PCDH15: variants seen among roughly 807,000 people sequenced by gnomAD.
PCDH15 encodes protocadherin related 15.
In PCDH15, 129 loss-of-function variants were observed where a neutral mutation model predicts 178.5. That is an observed-to-expected ratio of 0.72 (90% CI 0.63 to 0.84). The LOEUF (loss-of-function observed/expected upper bound fraction) is 0.84, where lower values mean the gene tolerates loss of function less well. Ranked by LOEUF, PCDH15 falls within the 40% of genes least tolerant of loss-of-function variation. The pLI, the probability that PCDH15 is intolerant of heterozygous loss-of-function variation, is 0.00. For synonymous variants in PCDH15, 800 were observed against 732.0 expected (o/e 1.09, Z -1.50); for missense variants, 2,230 against 2,099.9 (o/e 1.06, Z -1.21).
intron 2 of PCDH15, among the ~76,000 whole-genome samples, chr10:54,598,744 C>T (rs2092363163): frequency 6.6e-6 from 1 of 152,092 alleles, no homozygotes; most frequent in Non-Finnish European, 1.5e-5. Flanking sequence ...AGCTCGAAAG[C>T]TCTGTAAGCT....
At chr10:55,418,053 A>G (rs551632014) in intron 2 of PCDH15, among the ~76,000 whole-genome samples, 1 of 151,780 alleles carries the variant, frequency 6.6e-6, no homozygotes, top group South Asian at 2.1e-4. Flanking sequence ...AAGGTAGGAA[A>G]ATTCTACCTT....
intron 1 of PCDH15, among the ~76,000 whole-genome samples, chr10:54,734,289 C>G (rs1489981114): frequency 6.6e-6 from 1 of 151,764 alleles, no homozygotes; most frequent in Non-Finnish European, 1.5e-5. Flanking sequence ...ATATGGACTG[C>G]AACTAAGCAA....
chr10:55,241,333 T>C (rs1841536962), intron 1 of PCDH15, among the ~76,000 whole-genome samples: 1 of 152,202 alleles, frequency 6.6e-6, no homozygotes. Flanking sequence ...AACCTGCAAA[T>C]GTTGCTGATT....
intron 35 of PCDH15, among the ~76,000 whole-genome samples, chr10:53,812,146 C>T (rs369112649): frequency 2.0e-5 from 3 of 152,102 alleles, no homozygotes; most frequent in Non-Finnish European, 4.4e-5. Flanking sequence ...ATGTGTAATG[C>T]TTCCCAAGGA....
At chr10:54,805,273 C>A (rs375877914), upstream of PCDH15, among the ~76,000 whole-genome samples, 9 of 151,596 alleles carry the variant, frequency 5.9e-5, no homozygotes, top group Admixed American at 2.0e-4. Flanking sequence ...TTTTTAAAAC[C>A]CAGGTTAAAG....
At chr10:53,984,269 C>A (rs923887972) in intron 21 of PCDH15, among the ~76,000 whole-genome samples, 1 of 151,084 alleles carries the variant, frequency 6.6e-6, no homozygotes, top group Non-Finnish European at 1.5e-5. Context: ...CCTGCCTCAG[C>A]CTCCCAAGTA....
At chr10:53,929,248 CA>C (rs2084832130) in intron 25 of PCDH15, among the ~76,000 whole-genome samples, 1 of 151,950 alleles carries the variant, frequency 6.6e-6, no homozygotes, top group Non-Finnish European at 1.5e-5. Context: ...CTATTGTGCA[CA>C]ATGCAATTTT....
intron 8 of PCDH15, among the ~76,000 whole-genome samples, chr10:54,290,613 G>A (rs2059338160): frequency 6.6e-6 from 1 of 152,138 alleles, no homozygotes; most frequent in Admixed American, 6.5e-5. Context: ...ATCGGATAAA[G>A]GGTCAAGATC....
chr10:54,298,994 T>A (rs1003829792), intron 8 of PCDH15, among the ~76,000 whole-genome samples: 1 of 152,182 alleles, frequency 6.6e-6, no homozygotes, highest in Non-Finnish European at 1.5e-5. Context: ...CCCCATTAAA[T>A]ACCACAAGGA....
intron 1 of PCDH15, among the ~76,000 whole-genome samples, chr10:54,797,493 G>C (rs930423060): frequency 7.5e-6 from 1 of 133,860 alleles, no homozygotes; most frequent in Non-Finnish European, 1.6e-5. Context: ...TTATTTTGTT[G>C]CTGTTATTGT....
intron 2 of PCDH15, among the ~76,000 whole-genome samples, chr10:55,374,931 C>T (rs753117117): frequency 8.6e-5 from 13 of 151,962 alleles, no homozygotes; most frequent in Non-Finnish European, 1.6e-4. Flanking sequence ...TATAAAATGA[C>T]ATTCTACATA....
chr10:54,574,881 CAA>C (rs1404544827), intron 2 of PCDH15, among the ~76,000 whole-genome samples: 10 of 143,726 alleles, frequency 7.0e-5, no homozygotes, highest in African/African-American at 2.5e-4. Flanking sequence ...TTCACAATAG[CAA>C]AGACTTGGAA....
chr10:54,605,143 A>G (rs752503648), intron 2 of PCDH15, among the ~76,000 whole-genome samples: 7 of 151,776 alleles, frequency 4.6e-5, no homozygotes, highest in African/African-American at 1.4e-4. Context: ...ACTTTTTTAA[A>G]TTTTAGATTA....
At chr10:54,713,881 T>C (rs903332992) in intron 1 of PCDH15, among the ~76,000 whole-genome samples, 3 of 152,156 alleles carry the variant, frequency 2.0e-5, no homozygotes, top group Non-Finnish European at 4.4e-5. Context: ...TTTCCCTTGA[T>C]AAACATTGAA....
At chr10:54,739,905 C>G (rs749060587) in intron 1 of PCDH15, among the ~76,000 whole-genome samples, 2 of 151,938 alleles carry the variant, frequency 1.3e-5, no homozygotes, top group Non-Finnish European at 2.9e-5. Context: ...CATACTTAAA[C>G]GTAAAACCTA....
intron 2 of PCDH15, among the ~76,000 whole-genome samples, chr10:55,052,965 G>A (rs1045401305): frequency 5.3e-5 from 8 of 152,112 alleles, no homozygotes; most frequent in Non-Finnish European, 1.2e-4. Context: ...GAACATTTCA[G>A]GGAAGGACTG....
At chr10:54,267,446 A>G (rs1039814470) in intron 8 of PCDH15, among the ~76,000 whole-genome samples, 2 of 151,932 alleles carry the variant, frequency 1.3e-5, no homozygotes, top group Admixed American at 6.6e-5. Flanking sequence ...ACAGCAAGAA[A>G]TAATAGACAT....
chr10:55,170,467 G>A (rs1281030210), intron 1 of PCDH15, among the ~76,000 whole-genome samples: 1 of 152,108 alleles, frequency 6.6e-6, no homozygotes, highest in Non-Finnish European at 1.5e-5. Context: ...TCTTAAAGCT[G>A]GAGAGATGAT....
Position 54,475,482 on chromosome 10 carries a change from T to C in PCDH15, c.157+52330A>G, listed in dbSNP as rs141560205. ...CCCTATACATATTACAGATTATGCA[T>C]GTAAAGCAACTAATAAAGTGTTTGG... On this transcript the variant is annotated intron_variant, in intron 3 of 37. Transcript: ENST00000644397. Among the ~76,000 whole-genome samples the C allele has an allele frequency of 3.9e-5, 6 of 152,134 alleles. No individual in the cohort carries two copies. The East Asian group carries it at 9.6e-4, about 24-fold the overall frequency.
Sources: allele counts gnomAD v4.1 joint callset (sites outside exome capture counted in the v4.1 genomes callset), GRCh38; gene constraint gnomAD v4.1.1; transcripts MANE v1.5; gene names NCBI Gene and HGNC (gene_info 2026-07-23, HGNC 2026-07-21).